The following CDKAL1 variants were observed in gnomAD, a reference collection of about 807,000 sequenced individuals.
CDKAL1 encodes CDKAL1 threonylcarbamoyladenosine tRNA methylthiotransferase.
Under a neutral mutation model 68.2 loss-of-function variants are expected in CDKAL1, and 32 were observed. The ratio of observed to expected loss-of-function variants is 0.47; its 90% CI spans 0.35 to 0.63. The LOEUF is 0.63. Among genes scored for constraint, CDKAL1 ranks in the 30% least tolerant of loss-of-function variants. The pLI is 0.00. For missense variants in CDKAL1, 606 were observed against 696.7 expected, an observed-to-expected ratio of 0.87 and a Z score of 1.47; for synonymous variants, 234 against 244.3, an observed-to-expected ratio of 0.96 and a Z score of 0.39.
At chr6:20,811,776 A>G (rs1185481153) in intron 8 of CDKAL1, among the ~76,000 whole-genome samples, 1 of 142,678 alleles carries the variant, frequency 7.0e-6, no homozygotes, top group Non-Finnish European at 1.5e-5. Context: ...TCAATTTTTT[A>G]CCTAGTAGTA....
At chr6:20,613,249 C>CTTTTTTTTTTTTTTTTTTTTTTTT (rs71559677) in intron 4 of CDKAL1, among the ~76,000 whole-genome samples, 2 of 77,862 alleles carry the variant, frequency 2.6e-5, no homozygotes, top group Non-Finnish European at 4.9e-5. Flanking sequence ...AAATTTCTTT[C>CTTTTTTTTTTTTTTTTTTTTTTTT]TTTTTTTTTT....
chr6:20,675,561 C>A (rs35261542), intron 5 of CDKAL1, among the ~76,000 whole-genome samples: 39,696 of 151,964 alleles, frequency 0.26, 5,348 homozygotes, highest in East Asian at 0.38. Flanking sequence ...ATTGTTATCA[C>A]CTGGTTATAT....
intron 10 of CDKAL1, among the ~76,000 whole-genome samples, chr6:20,994,729 A>G (rs999501956): frequency 1.3e-5 from 2 of 152,214 alleles, no homozygotes; most frequent in African/African-American, 2.4e-5. Context: ...TAGTCTAGTA[A>G]GTATACAATA....
At chr6:21,057,408 CTCTTT>C (rs1322253577) in intron 11 of CDKAL1, among the ~76,000 whole-genome samples, 2 of 150,574 alleles carry the variant, frequency 1.3e-5, no homozygotes, top group African/African-American at 2.4e-5. Context: ...TGATTCTCCT[CTCTTT>C]TCTTTATTAG....
At chr6:20,827,446 A>C (rs950701914) in intron 8 of CDKAL1, among the ~76,000 whole-genome samples, 2 of 152,184 alleles carry the variant, frequency 1.3e-5, no homozygotes, top group Admixed American at 6.6e-5. Context: ...ACAATAGCAA[A>C]GAAACCTTTA....
At chr6:21,151,145 A>AT (rs538076303) in intron 13 of CDKAL1, among the ~76,000 whole-genome samples, 18 of 152,332 alleles carry the variant, frequency 1.2e-4, no homozygotes, top group African/African-American at 4.3e-4. Context: ...GTATGGGGAC[A>AT]TGCTATTTTT....
At chr6:21,112,990 A>T (rs1239376845) in intron 13 of CDKAL1, among the ~76,000 whole-genome samples, 5 of 152,214 alleles carry the variant, frequency 3.3e-5, no homozygotes, top group African/African-American at 9.6e-5. Flanking sequence ...AATAGCAGGT[A>T]AAAGAGGGTA....
intron 6 of CDKAL1, among the ~76,000 whole-genome samples, chr6:20,743,267 A>G (rs1773534849): frequency 6.6e-6 from 1 of 152,144 alleles, no homozygotes; most frequent in Non-Finnish European, 1.5e-5. Flanking sequence ...CTGTAACTGC[A>G]TTCTTTGCTT....
chr6:20,860,931 C>CT (rs1354222916), intron 9 of CDKAL1, among the ~76,000 whole-genome samples: 8 of 94,284 alleles, frequency 8.5e-5, no homozygotes, highest in Non-Finnish European at 1.2e-4. Flanking sequence ...GTAGTGTGGT[C>CT]TATTTTTTTT....
At chr6:20,868,489 A>G (rs185147969) in intron 9 of CDKAL1, among the ~76,000 whole-genome samples, 3 of 152,368 alleles carry the variant, frequency 2.0e-5, no homozygotes, top group East Asian at 1.9e-4. Context: ...CCTTGATACA[A>G]TTAATGCAGG....
chr6:21,006,830 C>G (rs1489530078), intron 11 of CDKAL1, among the ~76,000 whole-genome samples: 3 of 152,122 alleles, frequency 2.0e-5, no homozygotes, highest in Non-Finnish European at 4.4e-5. Flanking sequence ...AGAAAGGAAC[C>G]TCATTTTTCC....
chr6:20,745,605 G>T (rs1773632252), intron 6 of CDKAL1, among the ~76,000 whole-genome samples: 1 of 151,886 alleles, frequency 6.6e-6, no homozygotes, highest in African/African-American at 2.4e-5. Flanking sequence ...TTCACCTATT[G>T]AATGATTAAA....
At position 20,913,158 on chromosome 6, in the gene CDKAL1, CAT is replaced by C. The variant is rs1554139688; in HGVS notation, c.743-42260_743-42259del. Among the ~76,000 whole-genome samples the C allele has an allele frequency of 3.7e-3, 536 of 145,804 alleles. 6 individuals are homozygous for C. The highest frequency in any genetic ancestry group is 0.013 in the African/African-American group (497 of 37,838). On this transcript the variant is annotated intron_variant, in intron 9 of 15. Coordinates refer to ENST00000274695, the MANE Select transcript of CDKAL1 (RefSeq NM_017774.3). ...ACACACACACACACACACACACACA[CAT>C]TACCACAAATGTAGAAGCTTAAAAC... is the stretch of plus-strand genomic sequence containing the variant.
intron 9 of CDKAL1, among the ~76,000 whole-genome samples, chr6:20,950,873 GGT>G (rs536541215): frequency 0.01 from 1,573 of 152,142 alleles, 13 homozygotes; most frequent in Non-Finnish European, 0.017. Flanking sequence ...AGGAGGCTGA[GGT>G]AGGAGAATCA....
chr6:20,734,863 CTT>C lies in CDKAL1; in HGVS notation c.372-4633_372-4632del, dbSNP rs34104100. 8.6e-3 allele frequency among the ~76,000 whole-genome samples: 751 copies of C among 87,638 alleles called. 2 individuals are homozygous for C. Among genetic ancestry groups the C allele is most frequent in the Non-Finnish European group, 0.012 (568 of 47,382 alleles). 57.5% of individuals were successfully genotyped at this position (87,638 alleles called of 152,430 possible). On this transcript the variant is annotated intron_variant, in intron 5 of 15. Transcript: ENST00000274695. ...GATAAAGGGGCAAGTTGCTGCACCT[CTT>C]TTTTTTTTTTTTTTTTTTTTTTGAG...
chr6:20,980,162 CATT>C (rs1766043978), intron 10 of CDKAL1, among the ~76,000 whole-genome samples: 1 of 151,694 alleles, frequency 6.6e-6, no homozygotes, highest in South Asian at 2.1e-4. Flanking sequence ...AAAATACAAA[CATT>C]ATTCTGATTA....
At chr6:20,790,965 T>C (rs1452248799) in intron 8 of CDKAL1, among the ~76,000 whole-genome samples, 4 of 152,036 alleles carry the variant, frequency 2.6e-5, no homozygotes, top group Non-Finnish European at 5.9e-5. Context: ...TAGGTTAAAG[T>C]AAAATTGGTG....
At chr6:21,026,119 T>C (rs769613075) in intron 11 of CDKAL1, among the ~76,000 whole-genome samples, 19 of 152,156 alleles carry the variant, frequency 1.2e-4, no homozygotes, top group Admixed American at 1.1e-3. Flanking sequence ...GTGTGGTTAT[T>C]AGTTCTTTTT....
chr6:20,855,627 C>A (rs1346925530), intron 9 of CDKAL1, among the ~76,000 whole-genome samples: 2 of 151,980 alleles, frequency 1.3e-5, no homozygotes, highest in African/African-American at 2.4e-5. Context: ...GAGGCTAATA[C>A]CTTAGGGGTT....
Sources: allele counts gnomAD v4.1 joint callset (sites outside exome capture counted in the v4.1 genomes callset), GRCh38; gene constraint gnomAD v4.1.1; transcripts MANE v1.5; gene names NCBI Gene and HGNC (gene_info 2026-07-23, HGNC 2026-07-21).